Variants in PATJ observed in about 807,000 individuals in gnomAD.
The protein encoded by PATJ is inaD-like protein.
PATJ carries 190 observed loss-of-function variants against 224.9 expected under a neutral mutation model. The observed-to-expected ratio is 0.84, with a 90% CI of 0.75 to 0.95. PATJ has a LOEUF of 0.95. PATJ is among the 40% of genes least tolerant of loss of function. The pLI is 0.00. For synonymous variants in PATJ, 769 were observed against 820.3 expected (o/e 0.94, Z 1.07); for missense variants, 2,121 against 2,270.3 (o/e 0.93, Z 1.34).
chr1:62,111,939 C>T (rs566847940), intron 34 of PATJ, among the ~76,000 whole-genome samples: 1 of 151,734 alleles, frequency 6.6e-6, no homozygotes, highest in South Asian at 2.1e-4. Flanking sequence ...GGATTACAGG[C>T]ATGAGCCACC....
At chr1:61,838,211 G>A (rs1570803420) in intron 17 of PATJ, among the ~76,000 whole-genome samples, 1 of 152,142 alleles carries the variant, frequency 6.6e-6, no homozygotes, top group Non-Finnish European at 1.5e-5. Flanking sequence ...ACTTCATGTA[G>A]TGGCTAGTTA....
At chr1:61,869,331 C>A (rs181650642) in intron 20 of PATJ, among the ~76,000 whole-genome samples, 48 of 152,064 alleles carry the variant, frequency 3.2e-4, no homozygotes, top group South Asian at 6.3e-4. Context: ...TGGTCTCGAT[C>A]TCCTGACCTC....
At chr1:61,863,064 C>G (rs1664883596) in intron 19 of PATJ, among the ~76,000 whole-genome samples, 1 of 85,512 alleles carries the variant, frequency 1.2e-5, no homozygotes, top group Admixed American at 2.0e-4. Flanking sequence ...GAGATGGTAT[C>G]TTGCTCTGTT....
intron 33 of PATJ, among the ~76,000 whole-genome samples, chr1:62,098,835 G>A (rs1293898016): frequency 6.6e-6 from 1 of 152,024 alleles, no homozygotes; most frequent in Non-Finnish European, 1.5e-5. Context: ...AAAGGCTTTA[G>A]GATGGAAAAG....
intron 17 of PATJ, among the ~76,000 whole-genome samples, chr1:61,847,204 C>T (rs891871674): frequency 6.6e-6 from 1 of 152,192 alleles, no homozygotes; most frequent in African/African-American, 2.4e-5. Context: ...CATGGGACTC[C>T]TGCTTAAACC....
At chr1:62,117,746 A>T (rs112314326) in intron 37 of PATJ, among the ~76,000 whole-genome samples, 127 of 146,192 alleles carry the variant, frequency 8.7e-4, no homozygotes, top group Non-Finnish European at 1.6e-3. Flanking sequence ...TGCAAAGCTG[A>T]TGTAAGTGCC....
chr1:62,087,797 C>CT (rs1014712995), intron 33 of PATJ, among the ~76,000 whole-genome samples: 3 of 151,978 alleles, frequency 2.0e-5, no homozygotes, highest in South Asian at 2.1e-4. Flanking sequence ...GAATTCTCCT[C>CT]TTGCCTTTGC....
At chr1:61,952,278 G>GAGAA (rs1281661134) in intron 27 of PATJ, 1 of 542,976 alleles carries the variant, frequency 1.8e-6, no homozygotes, top group African/African-American at 2.5e-5. Flanking sequence ...GAGAGAGAGA[G>GAGAA]AAAAATAGGC....
chr1:62,079,714 G>A lies in PATJ; in HGVS notation c.4243+147G>A, dbSNP rs371694648. ...TTCCTTAGCTTTGGGGCTTGGATAGGTCACTTCATTTCCTACATCATTTTT... is the reference window on the plus strand; with the variant it reads ...TTCCTTAGCTTTGGGGCTTGGATAGATCACTTCATTTCCTACATCATTTTT... On this transcript the variant is annotated intron_variant, in intron 32 of 43. Coordinates refer to ENST00000642238, the MANE Select transcript of PATJ (RefSeq NM_001350145.3). The A allele has an allele frequency of 1.4e-4, 87 of 642,678 alleles. No homozygotes were observed. The African/African-American group carries it at 1.4e-3, about 10-fold the overall frequency. The allele number at this position is 642,678 out of a possible 1,614,324, so 39.8% of individuals were successfully genotyped here. A position where few individuals can be genotyped will look rare whatever the true frequency, so the allele number is the denominator to read the frequency against.
chr1:61,755,985 A>G (rs1645617444), intron 1 of PATJ, among the ~76,000 whole-genome samples: 1 of 152,234 alleles, frequency 6.6e-6, no homozygotes, highest in South Asian at 2.1e-4. Flanking sequence ...TATTTTTAGT[A>G]GAGACGGGGT....
chr1:61,991,370 A>G, intron 28 of PATJ: 1 of 380,156 alleles, frequency 2.6e-6, no homozygotes, highest in South Asian at 1.1e-4. Flanking sequence ...ATTTGTTAAA[A>G]TGTTCCAACT....
chr1:61,900,651 G>A (rs1023295102), intron 23 of PATJ, among the ~76,000 whole-genome samples: 10 of 151,738 alleles, frequency 6.6e-5, no homozygotes, highest in Admixed American at 1.3e-4. Context: ...GTGCAGTGGC[G>A]CAATCTCGGC....
intron 39 of PATJ, among the ~76,000 whole-genome samples, chr1:62,123,712 C>G (rs1345403315): frequency 6.8e-6 from 1 of 146,028 alleles, no homozygotes; most frequent in Non-Finnish European, 1.5e-5. Flanking sequence ...CTCCTGACCT[C>G]GTGATCCACC....
chr1:61,771,054 T>C (rs964854657), intron 5 of PATJ, among the ~76,000 whole-genome samples: 1 of 152,110 alleles, frequency 6.6e-6, no homozygotes, highest in African/African-American at 2.4e-5. Context: ...GTTGAGAATA[T>C]TGTTACCCCA....
At chr1:61,745,301 G>A (rs1356742533) in intron 1 of PATJ, among the ~76,000 whole-genome samples, 3 of 152,102 alleles carry the variant, frequency 2.0e-5, no homozygotes, top group African/African-American at 7.2e-5. Flanking sequence ...TTGAGACAGA[G>A]TCTTGCTCCG....
At chr1:61,767,907 G>A (rs1262412035) in intron 4 of PATJ, among the ~76,000 whole-genome samples, 3 of 151,668 alleles carry the variant, frequency 2.0e-5, no homozygotes, top group South Asian at 2.1e-4. Context: ...TCCTGACCTC[G>A]TGATCCTCCC....
chr1:61,743,294 TC>T (rs1421117662), intron 1 of PATJ, among the ~76,000 whole-genome samples: 1 of 152,174 alleles, frequency 6.6e-6, no homozygotes, highest in African/African-American at 2.4e-5. Flanking sequence ...TTCAGATCAC[TC>T]CCACTCTCCA....
chr1:62,070,132 C>T (rs915858048), intron 31 of PATJ, among the ~76,000 whole-genome samples: 11 of 152,186 alleles, frequency 7.2e-5, no homozygotes, highest in African/African-American at 2.4e-4. Flanking sequence ...AAACCAAGGT[C>T]GAATTGCAGA....
chr1:62,062,461 G>A (rs1272654386), intron 31 of PATJ, among the ~76,000 whole-genome samples: 3 of 108,292 alleles, frequency 2.8e-5, no homozygotes, highest in South Asian at 3.1e-4. Context: ...AGGCTGGAGT[G>A]CAGTGGTGTG....
Sources: allele counts gnomAD v4.1 joint callset (sites outside exome capture counted in the v4.1 genomes callset), GRCh38; gene constraint gnomAD v4.1.1; transcripts MANE v1.5; gene names NCBI Gene and HGNC (gene_info 2026-07-23, HGNC 2026-07-21).